KCNT2: variants seen among roughly 807,000 people sequenced by gnomAD.
KCNT2 encodes potassium channel subfamily T member 2.
KCNT2 carries 67 observed loss-of-function variants against 153.8 expected under a neutral mutation model. That is an observed-to-expected ratio of 0.44 (90% confidence interval 0.36 to 0.53). The LOEUF (loss-of-function observed/expected upper bound fraction) is 0.53, where lower values mean the gene tolerates loss of function less well. KCNT2 is among the 20% of genes least tolerant of loss of function. The probability of loss-of-function intolerance (pLI) is 0.00; values close to 1 mark genes in which losing one functional copy is unlikely to be tolerated. For missense variants in KCNT2, 975 were observed against 1,354.8 expected (o/e 0.72, Z 4.40); for synonymous variants, 500 against 458.8 (o/e 1.09, Z -1.15).
intron 12 of KCNT2, among the ~76,000 whole-genome samples, chr1:196,416,222 T>C (rs753212725): frequency 1.3e-5 from 2 of 151,970 alleles, no homozygotes; most frequent in Non-Finnish European, 2.9e-5. Flanking sequence ...TTTTACTTAG[T>C]GGCCCAAAGT....
At chr1:196,405,572 A>C (rs1416931188) in intron 12 of KCNT2, among the ~76,000 whole-genome samples, 1 of 151,544 alleles carries the variant, frequency 6.6e-6, no homozygotes, top group Non-Finnish European at 1.5e-5. Context: ...TTTTAGATGA[A>C]ATTTTATAAA....
intron 25 of KCNT2, among the ~76,000 whole-genome samples, chr1:196,261,653 CAT>C (rs1170907462): frequency 6.6e-6 from 1 of 151,898 alleles, no homozygotes; most frequent in East Asian, 1.9e-4. Context: ...ATGCTAAAAA[CAT>C]ATTCTTGGCT....
chr1:196,334,196 G>T, intron 16 of KCNT2, 136 bp from the exon 17 acceptor site: 1 of 596,352 alleles, frequency 1.7e-6, no homozygotes, highest in Non-Finnish European at 2.9e-6. Context: ...TGCGTGTGGT[G>T]TATAAGTTTA....
intron 5 of KCNT2, among the ~76,000 whole-genome samples, chr1:196,473,914 A>T (rs1055483225): frequency 6.6e-6 from 1 of 152,168 alleles, no homozygotes; most frequent in African/African-American, 2.4e-5. Flanking sequence ...ATTGTATTAA[A>T]TACATTTTTC....
chr1:196,317,828 T>A, intron 20 of KCNT2, among the ~76,000 whole-genome samples: 1 of 151,750 alleles, frequency 6.6e-6, no homozygotes, highest in East Asian at 1.9e-4. Context: ...TCAAAAATAC[T>A]GGCTGTTATA....
intron 9 of KCNT2, 84 bp downstream of exon 9, chr1:196,429,493 C>G: frequency 1.2e-6 from 1 of 842,638 alleles, no homozygotes; most frequent in Non-Finnish European, 1.8e-6. Context: ...GATAAATAAG[C>G]CACTTTCCAT....
chr1:196,530,264 G>A (rs372722216), intron 1 of KCNT2, among the ~76,000 whole-genome samples: 5 of 151,878 alleles, frequency 3.3e-5, no homozygotes, highest in South Asian at 2.1e-4. Context: ...TTTAGATGAT[G>A]ACAATTTTGC....
intron 22 of KCNT2, among the ~76,000 whole-genome samples, chr1:196,302,656 A>G (rs546110363): frequency 1.6e-4 from 25 of 151,820 alleles, no homozygotes; most frequent in African/African-American, 6.0e-4. Flanking sequence ...ATTAGAACCC[A>G]CACTATGGTC....
intron 21 of KCNT2, among the ~76,000 whole-genome samples, chr1:196,311,355 C>A (rs1419862430): frequency 6.6e-6 from 1 of 151,872 alleles, no homozygotes; most frequent in East Asian, 1.9e-4. Flanking sequence ...GATACATTAA[C>A]AAATCACAAT....
chr1:196,419,744 T>C (rs1673046853), intron 12 of KCNT2, among the ~76,000 whole-genome samples: 1 of 152,082 alleles, frequency 6.6e-6, no homozygotes, highest in Non-Finnish European at 1.5e-5. Flanking sequence ...ATGAGACATC[T>C]GAAGACATTC....
intron 26 of KCNT2, among the ~76,000 whole-genome samples, chr1:196,244,997 G>T (rs1655308331): frequency 6.6e-6 from 1 of 152,138 alleles, no homozygotes; most frequent in South Asian, 2.1e-4. Flanking sequence ...AGGCAGGTCA[G>T]CACAGAGAGA....
At chr1:196,262,246 G>C (rs1245960779) in intron 25 of KCNT2, among the ~76,000 whole-genome samples, 2 of 151,760 alleles carry the variant, frequency 1.3e-5, no homozygotes, top group African/African-American at 4.8e-5. Flanking sequence ...ATTTTTTACT[G>C]AACAATTATT....
intron 4 of KCNT2, among the ~76,000 whole-genome samples, chr1:196,480,125 A>C (rs1461729844): frequency 6.6e-6 from 1 of 151,120 alleles, no homozygotes; most frequent in Non-Finnish European, 1.5e-5. Context: ...TAACTAGAAA[A>C]AATAATAAAA....
chr1:196,301,854 C>T (rs1661213502), intron 22 of KCNT2, among the ~76,000 whole-genome samples: 1 of 152,150 alleles, frequency 6.6e-6, no homozygotes, highest in Admixed American at 6.5e-5. Flanking sequence ...ATTCTCATGC[C>T]TTAGCCTCCT....
At chr1:196,320,954 C>T (rs1286373913) in intron 19 of KCNT2, among the ~76,000 whole-genome samples, 1 of 150,898 alleles carries the variant, frequency 6.6e-6, no homozygotes, top group Non-Finnish European at 1.5e-5. Context: ...CTGGTATTCA[C>T]ATCTTCCGAA....
At chr1:196,573,579 T>C (rs1661018154) in intron 1 of KCNT2, among the ~76,000 whole-genome samples, 4 of 152,066 alleles carry the variant, frequency 2.6e-5, no homozygotes, top group Admixed American at 2.6e-4. Context: ...TAAGCTGTTT[T>C]TCCAATATCC....
Position 196,374,283 on chromosome 1 carries a change from C to T in KCNT2, c.1295-1035G>A, listed in dbSNP as rs139596207. On this transcript the variant is annotated intron_variant, in intron 13 of 27. Coordinates refer to ENST00000294725, the MANE Select transcript of KCNT2 (RefSeq NM_198503.5). Reference sequence around the variant, plus strand: ...TATAAAATGAATACATAACACCATACAATTTATGAAGAAAGAAGAAAAGGT... The same window carrying T: ...TATAAAATGAATACATAACACCATATAATTTATGAAGAAAGAAGAAAAGGT... Among the ~76,000 whole-genome samples, 48 of 151,846 alleles carry T rather than the reference C, an allele frequency of 3.2e-4. 1 individual carries two copies. In the East Asian group the frequency reaches 8.5e-3, roughly 27 times the overall value.
chr1:196,501,682 G>A (rs960337765), intron 1 of KCNT2, among the ~76,000 whole-genome samples: 1 of 152,080 alleles, frequency 6.6e-6, no homozygotes, highest in Admixed American at 6.6e-5. Flanking sequence ...AAAAAGCTCA[G>A]ATTTCACTAC....
At chr1:196,317,317 G>A in intron 20 of KCNT2, 1 of 441,768 alleles carries the variant, frequency 2.3e-6, no homozygotes. Flanking sequence ...TGATAAGAGG[G>A]GCCAGGACCA....
Sources: allele counts gnomAD v4.1 joint callset (sites outside exome capture counted in the v4.1 genomes callset), GRCh38; gene constraint gnomAD v4.1.1; transcripts MANE v1.5; gene names NCBI Gene and HGNC (gene_info 2026-07-23, HGNC 2026-07-21).